Variants in PRRT4 observed in about 807,000 individuals in gnomAD.
The protein encoded by PRRT4 is proline-rich transmembrane protein 4.
PRRT4 carries 59 observed loss-of-function variants against 55.6 expected under a neutral mutation model. That is an observed-to-expected ratio of 1.06 (90% CI 0.86 to 1.32). PRRT4 has a LOEUF of 1.32. PRRT4 is among the 40% of genes most tolerant of loss of function. PRRT4 has a pLI of 0.00. For synonymous variants in PRRT4, 606 were observed against 601.8 expected (o/e 1.01, Z -0.10); for missense variants, 1,217 against 1,222.0 (o/e 1.00, Z 0.06).
At chr7:128,351,897 G>A in exon 5 of PRRT4, 1 of 1,325,718 alleles carries the variant, frequency 7.5e-7, no homozygotes, top group Non-Finnish European at 9.6e-7. Context: ...CGCGCCGCCA[G>A]GACTCCCGAG....
chr7:128,359,450 T>C, exon 2 of PRRT4: 6 of 1,462,410 alleles, frequency 4.1e-6, no homozygotes, highest in Non-Finnish European at 5.4e-6. Flanking sequence ...CAGTGCCATG[T>C]CAAACTTCAG....
At chr7:128,357,234 ACACTCTCT>A (rs1269594467) in intron 4 of PRRT4, among the ~76,000 whole-genome samples, 9 of 122,222 alleles carry the variant, frequency 7.4e-5, no homozygotes, top group African/African-American at 3.0e-4. Context: ...ACACACACAC[ACACTCTCT>A]CTCTCTCTCT....
intron 4 of PRRT4, among the ~76,000 whole-genome samples, chr7:128,353,053 A>C (rs1291194977): frequency 1.3e-5 from 2 of 152,090 alleles, no homozygotes; most frequent in Non-Finnish European, 2.9e-5. Flanking sequence ...CCAGAAAGGA[A>C]GCTTTATGAG....
exon 2 of PRRT4, chr7:128,359,962 T>A: frequency 7.2e-7 from 1 of 1,388,480 alleles, no homozygotes; most frequent in East Asian, 2.8e-5. Flanking sequence ...AGCAGAACAG[T>A]CCCAGCCCTA....
exon 5 of PRRT4, chr7:128,352,181 G>T: frequency 7.1e-7 from 1 of 1,414,792 alleles, no homozygotes; most frequent in Non-Finnish European, 9.1e-7. Flanking sequence ...CGCGGCGGGC[G>T]CGGCCGGGCC....
At chr7:128,353,302 C>G (rs1797041002) in intron 4 of PRRT4, among the ~76,000 whole-genome samples, 1 of 152,092 alleles carries the variant, frequency 6.6e-6, no homozygotes, top group African/African-American at 2.4e-5. Flanking sequence ...TCCAAAGCCT[C>G]GTTCTAACAT....
chr7:128,356,866 G>A (rs915389700), intron 4 of PRRT4, among the ~76,000 whole-genome samples: 1 of 152,202 alleles, frequency 6.6e-6, no homozygotes, highest in Non-Finnish European at 1.5e-5. Flanking sequence ...CAGGTTCATG[G>A]AGGGTGGTTA....
At chr7:128,351,894 C>G (rs1584678476) in exon 5 of PRRT4, 1 of 1,325,624 alleles carries the variant, frequency 7.5e-7, no homozygotes, top group East Asian at 3.1e-5. Flanking sequence ...CCGCGCGCCG[C>G]CAGGACTCCC....
intron 1 of PRRT4, among the ~76,000 whole-genome samples, chr7:128,360,685 G>A (rs1453715793): frequency 6.6e-6 from 1 of 152,018 alleles, no homozygotes; most frequent in East Asian, 1.9e-4. Flanking sequence ...CCCGTTTCCT[G>A]GGGCTGGGCC....
intron 4 of PRRT4, among the ~76,000 whole-genome samples, chr7:128,353,417 T>C (rs1305188579): frequency 6.6e-6 from 1 of 151,816 alleles, no homozygotes; most frequent in East Asian, 1.9e-4. Context: ...CTTATCTCCA[T>C]CTCAAGGAAA....
intron 3 of PRRT4, 27 bp downstream of exon 4, chr7:128,359,122 T>C (rs1240571760): frequency 3.9e-6 from 6 of 1,543,580 alleles, no homozygotes; most frequent in Non-Finnish European, 4.4e-6. Context: ...TGTTCCACAA[T>C]AGTTTATTGC....
chr7:128,360,007 C>T (rs1349417072), exon 2 of PRRT4: 13 of 1,301,788 alleles, frequency 1.0e-5, no homozygotes, highest in Admixed American at 3.8e-5. Flanking sequence ...CACCTGGCTT[C>T]GGGTGGCCTT....
chr7:128,350,813 G>A, downstream of PRRT4: 1 of 1,539,924 alleles, frequency 6.5e-7, no homozygotes. Flanking sequence ...CAGGGCAGGC[G>A]CCAGAAAGGG....
chr7:128,350,799 C>T (rs893525694), downstream of PRRT4: 5 of 1,535,962 alleles, frequency 3.3e-6, no homozygotes, highest in Non-Finnish European at 4.4e-6. Flanking sequence ...GTGCAGGTCT[C>T]GGGCAGGGCA....
chr7:128,350,707 AC>A (rs1178839645), downstream of PRRT4: 1 of 1,268,734 alleles, frequency 7.9e-7, no homozygotes, highest in Non-Finnish European at 1.1e-6. Flanking sequence ...CTGGCTGCTG[AC>A]CCACCCACCC....
At position 128,361,544 on chromosome 7, in the gene PRRT4, G is replaced by GC. The variant is rs1239195546; in HGVS notation, c.-73+16dup. ...CTGAGCCGCCCCCGGCCCAGCCCCG[G>GC]CCCGCAGCGCTCTCACCAGGCGGGC... On this transcript the variant is annotated intron_variant, in intron 1 of 4. Coordinates refer to ENST00000535159, the Ensembl canonical transcript of PRRT4. The GC allele has an allele frequency of 6.5e-6, 1 of 152,882 alleles. No individual in the cohort carries two copies. Among genetic ancestry groups the GC allele is most frequent in the Non-Finnish European group, 1.5e-5 (1 of 68,118 alleles). 9.5% of individuals were successfully genotyped at this position (152,882 alleles called of 1,614,324 possible). A position where few individuals can be genotyped will look rare whatever the true frequency, so the allele number is the denominator to read the frequency against.
At chr7:128,352,769 C>T in intron 4 of PRRT4, 91 bp from the exon 6 acceptor site, 2 of 1,238,238 alleles carry the variant, frequency 1.6e-6, no homozygotes, top group Non-Finnish European at 2.2e-6. Flanking sequence ...GTCAGAGTCC[C>T]CTACCGTATC....
At chr7:128,351,456 C>T (rs1295978807) in exon 5 of PRRT4, 1 of 1,522,080 alleles carries the variant, frequency 6.6e-7, no homozygotes. Flanking sequence ...GGTTGGCCGC[C>T]GCGCCTTCGA....
downstream of PRRT4, chr7:128,350,747 G>T: frequency 6.8e-7 from 1 of 1,471,956 alleles, no homozygotes; most frequent in Non-Finnish European, 9.1e-7. Context: ...AAGGAATCTG[G>T]AGAGGTATCT....
Sources: allele counts gnomAD v4.1 joint callset (sites outside exome capture counted in the v4.1 genomes callset), GRCh38; gene constraint gnomAD v4.1.1; transcripts MANE v1.5; gene names NCBI Gene and HGNC (gene_info 2026-07-23, HGNC 2026-07-21).